ASB18: variants seen among roughly 807,000 people sequenced by gnomAD.
ASB18 encodes ankyrin repeat and SOCS box protein 18.
ASB18 carries 33 observed loss-of-function variants against 33.4 expected under a neutral mutation model. The ratio of observed to expected loss-of-function variants is 0.99; its 90% CI spans 0.75 to 1.32. ASB18 has a LOEUF of 1.32. Among genes scored for constraint, ASB18 ranks in the 40% most tolerant of loss-of-function variants. The pLI, the probability that ASB18 is intolerant of heterozygous loss-of-function variation, is 0.00. For missense variants in ASB18, 694 were observed against 655.5 expected (o/e 1.06, Z -0.64); for synonymous variants, 295 against 307.6 (o/e 0.96, Z 0.43).
chr2:236,222,974 GGT>G lies in ASB18; in HGVS notation c.597-8110_597-8109del. Among the ~76,000 whole-genome samples the G allele has an allele frequency of 6.6e-6, 1 of 152,120 alleles. No homozygotes were observed. The highest frequency in any genetic ancestry group is 1.5e-5 in the Non-Finnish European group (1 of 68,010). On this transcript the variant is annotated intron_variant, in intron 3 of 5. Transcript: ENST00000409749. The surrounding 1 kb of genome is among the most constrained non-coding windows in gnomAD (Gnocchi z 5.5). ...GGTGGAGGTTGCAGTGAGCTGAGAT[GGT>G]GCCACAGCACTCCAGCCTGGGTGAC...
intron 4 of ASB18, among the ~76,000 whole-genome samples, chr2:236,207,549 G>A (rs2060440334): frequency 6.6e-6 from 1 of 152,200 alleles, no homozygotes. Flanking sequence ...ATTAAGGAGA[G>A]AACCAGATGC....
At position 236,214,547 on chromosome 2, in the gene ASB18, G is replaced by A. The variant is rs1347819202; in HGVS notation, c.916C>T (p.His306Tyr). 1 of 1,403,252 alleles carries A rather than the reference G, an allele frequency of 7.1e-7. No homozygotes were observed. Among genetic ancestry groups the A allele is most frequent in the African/African-American group, 1.5e-5 (1 of 65,412 alleles). The allele number at this position is 1,403,252 out of a possible 1,614,324, so 86.9% of individuals were successfully genotyped here. A position where few individuals can be genotyped will look rare whatever the true frequency, so the allele number is the denominator to read the frequency against. ...PLHKACGHAS[H>Y]SLARLLLRHG... ...CGCAGTAGGAGGCGCGCCAGGCTGTGGCTCGCGTGGCCGCAGGCTTTGTGC... is the reference window on the plus strand; with the variant it reads ...CGCAGTAGGAGGCGCGCCAGGCTGTAGCTCGCGTGGCCGCAGGCTTTGTGC... The change falls in exon 4 of 6, where the codon CAC (histidine) becomes TAC (tyrosine). Residue 306 changes from histidine (H) to tyrosine (Y), a missense_variant. His to Tyr is a moderately conservative substitution (Grantham distance 83). Coordinates refer to ENST00000409749, the MANE Select transcript of ASB18 (RefSeq NM_212556.4). This position sits in a 1 kb window ranked among gnomAD's most constrained non-coding sequence, Gnocchi z 6.5.
chr2:236,213,740 G>A lies in ASB18; in HGVS notation c.1101+622C>T, dbSNP rs2060469189. 1 of 152,464 alleles carries A rather than the reference G, an allele frequency of 6.6e-6. No individual in the cohort carries two copies. Among genetic ancestry groups the A allele is most frequent in the African/African-American group, 2.4e-5 (1 of 41,424 alleles). 9.4% of individuals were successfully genotyped at this position (152,464 alleles called of 1,614,324 possible). On this transcript the variant is annotated intron_variant, in intron 4 of 5. Coordinates refer to ENST00000409749, the MANE Select transcript of ASB18 (RefSeq NM_212556.4). This position sits in a 1 kb window ranked among gnomAD's most constrained non-coding sequence, Gnocchi z 4.8. ...GGGTGAGCCAGCAGAATGGGGGTGA[G>A]GTCCCAACACTGCAATGACCTGGGC...
rs373642061 is a variant in ASB18, at chr2:236,202,591, C to T, written c.1102-6206G>A. On this transcript the variant is annotated intron_variant, in intron 4 of 5. Coordinates refer to ENST00000409749, the MANE Select transcript of ASB18 (RefSeq NM_212556.4). The stretch of plus-strand genomic sequence containing the variant: ...ATCCCAACACTTTGGGAGGCTGAGG[C>T]GGGTAGATCACGAGGTCAAGAGATG... Among the ~76,000 whole-genome samples the T allele has an allele frequency of 2.1e-4, 32 of 151,636 alleles. No individual in the cohort carries two copies. The East Asian group carries it at 3.3e-3, about 16-fold the overall frequency.
intron 1 of ASB18, among the ~76,000 whole-genome samples, chr2:236,258,092 G>A (rs148795004): frequency 1.7e-3 from 255 of 152,308 alleles, no homozygotes; most frequent in Admixed American, 5.2e-3. Flanking sequence ...ATATGAGTTC[G>A]TAAACCAGCT....
At chr2:236,233,968 G>A (rs1161777007) in intron 3 of ASB18, among the ~76,000 whole-genome samples, 1 of 152,190 alleles carries the variant, frequency 6.6e-6, no homozygotes, top group Non-Finnish European at 1.5e-5. Context: ...AACTATGCTT[G>A]AAAACTTATA....
Position 236,194,563 on chromosome 2 carries a change from A to C in ASB18, c.*309T>G, listed in dbSNP as rs114953575. On this transcript the variant is annotated 3_prime_UTR_variant, in exon 6 of 6. Coordinates refer to ENST00000409749, the MANE Select transcript of ASB18 (RefSeq NM_212556.4). The surrounding 1 kb of genome is among the most constrained non-coding windows in gnomAD (Gnocchi z 4.5). Reference sequence around the variant, plus strand: ...TCCCTAGAACCTATCGAAGACCTTAAGTGAGGACTCACTGTACCTTTTGGC... The same window carrying C: ...TCCCTAGAACCTATCGAAGACCTTACGTGAGGACTCACTGTACCTTTTGGC... Among the ~76,000 whole-genome samples the C allele has an allele frequency of 9.2e-3, 1,395 of 152,324 alleles. 22 individuals are homozygous for C. The highest frequency in any genetic ancestry group is 0.032 in the African/African-American group (1,313 of 41,564).
rs1432468802 is a variant in ASB18 at position 236,259,744 on chromosome 2, A to C, written c.205+4397T>G. On this transcript the variant is annotated intron_variant, in intron 1 of 5. Coordinates refer to ENST00000409749, the MANE Select transcript of ASB18 (RefSeq NM_212556.4). The surrounding 1 kb of genome is among the most constrained non-coding windows in gnomAD (Gnocchi z 4.4). ...TCCTTGCAGGAGAGCAGGTGCCTTC[A>C]CAAGGGCACAGGCCAGTTGCCTGTT... is the stretch of plus-strand genomic sequence containing the variant. 2.7e-6 allele frequency: 1 copy of C among 366,180 alleles called. No individual in the cohort carries two copies. The highest frequency in any genetic ancestry group is 5.5e-6 in the Non-Finnish European group (1 of 180,234). The allele number at this position is 366,180 out of a possible 1,614,324, so 22.7% of individuals were successfully genotyped here.
chr2:236,247,101 G>T (rs1188575242), intron 1 of ASB18, among the ~76,000 whole-genome samples: 4 of 148,900 alleles, frequency 2.7e-5, no homozygotes, highest in African/African-American at 9.9e-5. Flanking sequence ...CAGTAGGCAA[G>T]GTGTAGTAGT....
Position 236,194,848 on chromosome 2 carries a change from G to A in ASB18, c.*24C>T, listed in dbSNP as rs755766380. On this transcript the variant is annotated 3_prime_UTR_variant, in exon 6 of 6. Coordinates refer to ENST00000409749, the MANE Select transcript of ASB18 (RefSeq NM_212556.4). The surrounding 1 kb of genome is among the most constrained non-coding windows in gnomAD (Gnocchi z 4.5). Reference sequence around the variant, plus strand: ...TGGAAGGTCAGCGAGGAGAACAACAGTATTGGTTGCAGCGTTCTGCGTTTC... The same window carrying A: ...TGGAAGGTCAGCGAGGAGAACAACAATATTGGTTGCAGCGTTCTGCGTTTC... 2.2e-5 allele frequency: 36 copies of A among 1,601,598 alleles called. No individual in the cohort carries two copies. The highest frequency in any genetic ancestry group is 2.9e-5 in the Non-Finnish European group (34 of 1,172,516).
At position 236,220,553 on chromosome 2, in the gene ASB18, CTTTTT is replaced by C. The variant is rs35828724; in HGVS notation, c.597-5692_597-5688del. Among the ~76,000 whole-genome samples the C allele has an allele frequency of 6.9e-6, 1 of 144,256 alleles. No individual in the cohort carries two copies. Among genetic ancestry groups the C allele is most frequent in the African/African-American group, 2.5e-5 (1 of 39,286 alleles). The allele number at this position is 144,256 out of a possible 152,430, so 94.6% of individuals were successfully genotyped here. On this transcript the variant is annotated intron_variant, in intron 3 of 5. Coordinates refer to ENST00000409749, the MANE Select transcript of ASB18 (RefSeq NM_212556.4). The surrounding 1 kb of genome is among the most constrained non-coding windows in gnomAD (Gnocchi z 5.1). ...TCTTTTGGATTCCCCAGTACTTGGCCTTTTTTTTTTTTTTTAAACAACTATTTATC... is the reference window on the plus strand; with the variant it reads ...TCTTTTGGATTCCCCAGTACTTGGCCTTTTTTTTTTAAACAACTATTTATC...
In ASB18 at chr2:236,215,039, A is replaced by G. The variant is rs984375508; in HGVS notation, c.597-173T>C. On this transcript the variant is annotated intron_variant, in intron 3 of 5. Transcript: ENST00000409749. This position sits in a 1 kb window ranked among gnomAD's most constrained non-coding sequence, Gnocchi z 7.2. The stretch of plus-strand genomic sequence containing the variant: ...AAACTGGAAAAAAAAAAAAAAAAAA[A>G]GAGATTATGGCAAAACCAGCTCCTG... 6.8e-6 allele frequency among the ~76,000 whole-genome samples: 1 copy of G among 146,372 alleles called. No individual in the cohort carries two copies. The highest frequency in any genetic ancestry group is 1.5e-5 in the Non-Finnish European group (1 of 66,652).
rs111994715 is a variant in ASB18 at position 236,221,224 on chromosome 2, G to GCAACAA, written c.597-6364_597-6359dup. Among the ~76,000 whole-genome samples, 4 of 146,432 alleles carry GCAACAA rather than the reference G, an allele frequency of 2.7e-5. No individual in the cohort carries two copies. The highest frequency in any genetic ancestry group is 5.9e-5 in the Non-Finnish European group (4 of 67,796). ...CAAAAGATGATGCTGACTGAGCAAT[G>GCAACAA]CAACAACAACAACAACAACAACAAA... On this transcript the variant is annotated intron_variant, in intron 3 of 5. Coordinates refer to ENST00000409749, the MANE Select transcript of ASB18 (RefSeq NM_212556.4). This position sits in a 1 kb window ranked among gnomAD's most constrained non-coding sequence, Gnocchi z 5.6.
chr2:236,224,580 G>C (rs1470866651), intron 3 of ASB18, among the ~76,000 whole-genome samples: 1 of 152,182 alleles, frequency 6.6e-6, no homozygotes, highest in Non-Finnish European at 1.5e-5. Context: ...GTTAACAAAG[G>C]AGATGCAATC....
At position 236,200,166 on chromosome 2, in the gene ASB18, G is replaced by T. The variant is rs150594683; in HGVS notation, c.1102-3781C>A. Among the ~76,000 whole-genome samples the T allele has an allele frequency of 1.9e-3, 289 of 152,204 alleles. 13 individuals are homozygous for T. In the East Asian group the frequency reaches 0.053, roughly 28 times the overall value. Reference sequence around the variant, plus strand: ...GTTCGATACTAGCCTGGCCAACATGGTGAAGCTCCATCTCTACTAAAAATA... The same window carrying T: ...GTTCGATACTAGCCTGGCCAACATGTTGAAGCTCCATCTCTACTAAAAATA... On this transcript the variant is annotated intron_variant, in intron 4 of 5. Transcript: ENST00000409749. The surrounding 1 kb of genome is among the most constrained non-coding windows in gnomAD (Gnocchi z 4.2).
rs1032536707 is a variant in ASB18, at chr2:236,217,715, C to A, written c.597-2849G>T. On this transcript the variant is annotated intron_variant, in intron 3 of 5. Transcript: ENST00000409749. The surrounding 1 kb of genome is among the most constrained non-coding windows in gnomAD (Gnocchi z 5.2). The stretch of plus-strand genomic sequence containing the variant: ...AGAGGCTCTCAGTATTTTAAATTCT[C>A]CCTTTGGATTGTCTCGTTTCTACAT... 1.3e-5 allele frequency among the ~76,000 whole-genome samples: 2 copies of A among 152,178 alleles called. No individual in the cohort carries two copies. The highest frequency in any genetic ancestry group is 1.5e-5 in the Non-Finnish European group (1 of 68,032).
In ASB18 at chr2:236,214,893, G is replaced by A; in HGVS notation, c.597-27C>T. 3.3e-6 allele frequency: 4 copies of A among 1,207,320 alleles called. No homozygotes were observed. The highest frequency in any genetic ancestry group is 2.1e-6 in the Non-Finnish European group (2 of 972,006). The allele number at this position is 1,207,320 out of a possible 1,614,324, so 74.8% of individuals were successfully genotyped here. Reference sequence around the variant, plus strand: ...TGTGGGAAGCCAGGGCCTGTCACTCGGGCGCCACGCAGGACGCCCGCACCC... The same window carrying A: ...TGTGGGAAGCCAGGGCCTGTCACTCAGGCGCCACGCAGGACGCCCGCACCC... On this transcript the variant is annotated intron_variant, in intron 3 of 5. Coordinates refer to ENST00000409749, the MANE Select transcript of ASB18 (RefSeq NM_212556.4). The surrounding 1 kb of genome is among the most constrained non-coding windows in gnomAD (Gnocchi z 6.5).
chr2:236,237,437 G>C lies in ASB18; in HGVS notation c.596+252C>G, dbSNP rs191078200. 0.18 allele frequency among the ~76,000 whole-genome samples: 18,448 copies of C among 105,012 alleles called. 2,247 individuals carry two copies. Among genetic ancestry groups the C allele is most frequent in the African/African-American group, 0.19 (3,565 of 19,056 alleles). 68.9% of individuals were successfully genotyped at this position (105,012 alleles called of 152,430 possible). A position where few individuals can be genotyped will look rare whatever the true frequency, so the allele number is the denominator to read the frequency against. Reference sequence around the variant, plus strand: ...GGGGGCCGGGGCCGGGGCGCGGGGCGAGGGCCGGGAGGTGCCAGGTCTGGG... The same window carrying C: ...GGGGGCCGGGGCCGGGGCGCGGGGCCAGGGCCGGGAGGTGCCAGGTCTGGG... On this transcript the variant is annotated intron_variant, in intron 3 of 5. Coordinates refer to ENST00000409749, the MANE Select transcript of ASB18 (RefSeq NM_212556.4). This position sits in a 1 kb window ranked among gnomAD's most constrained non-coding sequence, Gnocchi z 6.2.
chr2:236,227,804 G>T (rs1310921555), intron 3 of ASB18, among the ~76,000 whole-genome samples: 2 of 152,122 alleles, frequency 1.3e-5, no homozygotes, highest in Non-Finnish European at 2.9e-5. Context: ...AAATCCACTG[G>T]CATCCCATTC....
Sources: allele counts gnomAD v4.1 joint callset (sites outside exome capture counted in the v4.1 genomes callset), GRCh38; gene constraint gnomAD v4.1.1; non-coding constraint Gnocchi (gnomAD v3.1); transcripts MANE v1.5; gene names NCBI Gene and HGNC (gene_info 2026-07-23, HGNC 2026-07-21).